CPEB3: variants seen among roughly 807,000 people sequenced by gnomAD.
CPEB3 encodes the protein cytoplasmic polyadenylation element binding protein 3.
A neutral mutation model predicts 67.2 loss-of-function variants in CPEB3; 20 were observed. The ratio of observed to expected loss-of-function variants is 0.30; its 90% confidence interval spans 0.21 to 0.43. The LOEUF is 0.43. Ranked by LOEUF, CPEB3 falls within the 20% of genes least tolerant of loss-of-function variation. The probability of loss-of-function intolerance (pLI) is 1.00; values close to 1 mark genes in which losing one functional copy is unlikely to be tolerated. For missense variants in CPEB3, 746 were observed against 968.6 expected (o/e 0.77, Z 3.05); for synonymous variants, 376 against 393.1 (o/e 0.96, Z 0.51).
chr10:92,110,658 T>C (rs529517077), intron 7 of CPEB3, among the ~76,000 whole-genome samples: 6 of 152,356 alleles, frequency 3.9e-5, no homozygotes, highest in African/African-American at 1.4e-4. Flanking sequence ...TAGCTGTGGG[T>C]ACCACCCAGC....
intron 2 of CPEB3, among the ~76,000 whole-genome samples, chr10:92,223,991 T>C (rs976011242): frequency 6.6e-6 from 1 of 152,172 alleles, no homozygotes; most frequent in African/African-American, 2.4e-5. Flanking sequence ...GGTCTCCAAC[T>C]CCTGACCTTG....
intron 7 of CPEB3, among the ~76,000 whole-genome samples, chr10:92,104,064 A>G: frequency 6.6e-6 from 1 of 152,268 alleles, no homozygotes; most frequent in East Asian, 1.9e-4. Flanking sequence ...ATGCTGGATT[A>G]AACAATTTTA....
intron 6 of CPEB3, among the ~76,000 whole-genome samples, chr10:92,118,357 C>G (rs1425721974): frequency 6.6e-6 from 1 of 152,166 alleles, no homozygotes; most frequent in Non-Finnish European, 1.5e-5. Context: ...GTATCGAACT[C>G]CTGACCTCAG....
At chr10:92,248,286 TGAC>T (rs1334898969) in intron 1 of CPEB3, among the ~76,000 whole-genome samples, 3 of 152,240 alleles carry the variant, frequency 2.0e-5, no homozygotes, top group African/African-American at 7.2e-5. Context: ...TAGGGAATAA[TGAC>T]AAAAAAAGTT....
At chr10:92,216,785 C>T in intron 2 of CPEB3, 1 of 1,609,900 alleles carries the variant, frequency 6.2e-7, no homozygotes. Flanking sequence ...CCTGCCCCTA[C>T]CCCTATGAGG....
chr10:92,096,645 T>C (rs1564775374), intron 7 of CPEB3, among the ~76,000 whole-genome samples: 1 of 152,038 alleles, frequency 6.6e-6, no homozygotes, highest in Non-Finnish European at 1.5e-5. Context: ...TAAAGGTGAC[T>C]CTAAAAAAAG....
At chr10:92,127,781 G>C (rs547178532) in intron 6 of CPEB3, among the ~76,000 whole-genome samples, 49 of 152,274 alleles carry the variant, frequency 3.2e-4, no homozygotes, top group Admixed American at 9.8e-4. Context: ...GAATAGCAAA[G>C]TAGTCAGTGT....
chr10:92,161,566 C>G (rs547343200), intron 4 of CPEB3, among the ~76,000 whole-genome samples: 5 of 152,198 alleles, frequency 3.3e-5, no homozygotes, highest in African/African-American at 1.2e-4. Context: ...AGCCACCGCG[C>G]CCAGTGGCTT....
chr10:92,229,453 T>C (rs1267580905), intron 2 of CPEB3, among the ~76,000 whole-genome samples: 2 of 152,148 alleles, frequency 1.3e-5, no homozygotes, highest in African/African-American at 4.8e-5. Flanking sequence ...ATTAACAAGA[T>C]AAATTAACTC....
At chr10:92,203,611 T>C (rs1849642392) in intron 2 of CPEB3, among the ~76,000 whole-genome samples, 1 of 151,568 alleles carries the variant, frequency 6.6e-6, no homozygotes, top group Non-Finnish European at 1.5e-5. Flanking sequence ...ACAGACGAGG[T>C]TTCACCATGT....
intron 1 of CPEB3, among the ~76,000 whole-genome samples, chr10:92,268,099 C>T (rs1853141872): frequency 6.6e-6 from 1 of 152,062 alleles, no homozygotes; most frequent in South Asian, 2.1e-4. Context: ...TACAGGCCAG[C>T]CACCGCGACC....
Position 92,118,979 on chromosome 10 carries a change from G to C in CPEB3, c.1454-7785C>G, listed in dbSNP as rs991400834. 30 of 1,498,904 alleles carry C rather than the reference G, an allele frequency of 2.0e-5. No homozygotes were observed. The African/African-American group carries it at 2.4e-4, about 12-fold the overall frequency. 92.9% of individuals were successfully genotyped at this position (1,498,904 alleles called of 1,614,324 possible). A position where few individuals can be genotyped will look rare whatever the true frequency, so the allele number is the denominator to read the frequency against. On this transcript the variant is annotated intron_variant, in intron 6 of 9. Coordinates refer to ENST00000265997, the MANE Select transcript of CPEB3 (RefSeq NM_014912.5). ...GGAGCTGGTGAAGTCCCTGTGTCTG[G>C]GGCCAGCACTGATCCACACAGCTAA...
At chr10:92,258,926 G>A (rs955696474) in intron 1 of CPEB3, among the ~76,000 whole-genome samples, 4 of 150,968 alleles carry the variant, frequency 2.6e-5, no homozygotes, top group African/African-American at 4.9e-5. Context: ...CCAAAGTGCT[G>A]GGATTACAGG....
intron 7 of CPEB3, among the ~76,000 whole-genome samples, chr10:92,104,589 G>A (rs889859922): frequency 1.4e-4 from 21 of 151,892 alleles, no homozygotes; most frequent in South Asian, 6.3e-4. Context: ...GGGTTTCACC[G>A]TGTTAGCCAG....
rs566787784 is a variant in CPEB3, at chr10:92,150,469, C to CT, written c.1223-5385dup. ...ACTCTGCAATTGTGAAGGGGTGACT[C>CT]TTGAGCTAGTAGACAGTCAGCTACT... On this transcript the variant is annotated intron_variant, in intron 4 of 9. Transcript: ENST00000265997. Among the ~76,000 whole-genome samples the CT allele has an allele frequency of 1.5e-4, 23 of 152,274 alleles. No individual in the cohort carries two copies. In the South Asian group the frequency reaches 3.9e-3, roughly 26 times the overall value.
At chr10:92,116,100 T>C (rs12766806) in intron 6 of CPEB3, among the ~76,000 whole-genome samples, 56,759 of 147,468 alleles carry the variant, frequency 0.38, 11,763 homozygotes, top group African/African-American at 0.53. Context: ...GGGCTTTGCC[T>C]CTGCCCCCCA....
At chr10:92,116,913 C>T (rs1845055923) in intron 6 of CPEB3, among the ~76,000 whole-genome samples, 1 of 152,096 alleles carries the variant, frequency 6.6e-6, no homozygotes, top group Admixed American at 6.5e-5. Flanking sequence ...CTAAATTGAT[C>T]AATGCAATTT....
chr10:92,179,469 T>C (rs1848370595), intron 4 of CPEB3, among the ~76,000 whole-genome samples: 2 of 152,224 alleles, frequency 1.3e-5, no homozygotes. Context: ...TGTTCTTTTC[T>C]TTTACATTCA....
At chr10:92,215,450 C>CA (rs1303814320) in intron 2 of CPEB3, among the ~76,000 whole-genome samples, 1 of 138,520 alleles carries the variant, frequency 7.2e-6, no homozygotes, top group Non-Finnish European at 1.6e-5. Flanking sequence ...CTGCACCTGG[C>CA]TTTTTTTTTT....
Sources: allele counts gnomAD v4.1 joint callset (sites outside exome capture counted in the v4.1 genomes callset), GRCh38; gene constraint gnomAD v4.1.1; transcripts MANE v1.5; gene names NCBI Gene and HGNC (gene_info 2026-07-23, HGNC 2026-07-21).